The following FBN2 variants were observed in gnomAD, a reference collection of about 807,000 sequenced individuals.
FBN2 encodes the protein fibrillin 2.
FBN2 carries 105 observed loss-of-function variants against 355.6 expected under a neutral mutation model. The observed-to-expected ratio is 0.30, with a 90% CI of 0.25 to 0.35. FBN2 has a LOEUF of 0.35. FBN2 is among the 10% of genes least tolerant of loss of function. The pLI is 1.00. For missense variants in FBN2, 3,280 were observed against 3,758.7 expected (o/e 0.87, Z 3.33); for synonymous variants, 1,350 against 1,301.2 (o/e 1.04, Z -0.81).
At chr5:128,364,769 AT>A in intron 17 of FBN2, 44 bp from the exon 18 acceptor site, 1 of 1,537,046 alleles carries the variant, frequency 6.5e-7, no homozygotes, top group Non-Finnish European at 9.0e-7. Context: ...CAAACATGTT[AT>A]TGTTTGTTGA....
At chr5:128,351,494 C>T (rs552123904) in intron 20 of FBN2, among the ~76,000 whole-genome samples, 28 of 151,874 alleles carry the variant, frequency 1.8e-4, no homozygotes, top group African/African-American at 6.8e-4. Context: ...TTGCAGTGAG[C>T]CAAGATTGTG....
Position 128,289,877 on chromosome 5 carries a change from C to A in FBN2, c.6511+5G>T. On this transcript the variant is annotated splice_donor_5th_base_variant and intron_variant, in intron 51 of 64. Coordinates refer to ENST00000262464, the MANE Select transcript of FBN2 (RefSeq NM_001999.4). ...AATATAGGAATAAAATATATCAAAG[C>A]GTACCTTCACGTGTATCATGAAGAC... 1 of 1,540,454 alleles carries A rather than the reference C, an allele frequency of 6.5e-7. No homozygotes were observed. The highest frequency in any genetic ancestry group is 9.0e-7 in the Non-Finnish European group (1 of 1,113,574).
At chr5:128,386,364 C>T (rs1752365853) in intron 11 of FBN2, among the ~76,000 whole-genome samples, 1 of 152,054 alleles carries the variant, frequency 6.6e-6, no homozygotes, top group Non-Finnish European at 1.5e-5. Context: ...GTTCTCTAAC[C>T]TGTTCCATTG....
rs34383505 is a variant in FBN2, at chr5:128,259,461, G to C, written c.8733C>G (p.Leu2911=). ...EALRMRLQIQ[L]Y is the part of the protein sequence containing the mutation. Reference sequence around the variant, plus strand: ...GGCCCAAGTCTGTGAAGGGTTAATAGAGCTGAATCTGCAGCCTCATTCTGA... The same window carrying C: ...GGCCCAAGTCTGTGAAGGGTTAATACAGCTGAATCTGCAGCCTCATTCTGA... Residue 2911 remains leucine (L), a synonymous_variant, in exon 65 of 65, where the codon CTC becomes CTG. Transcript: ENST00000262464. 6,932 of 1,613,046 alleles carry C rather than the reference G, an allele frequency of 4.3e-3. 238 individuals carry two copies. The African/African-American group carries it at 0.079, about 18-fold the overall frequency.
At chr5:128,507,830 C>T (rs58058427) in intron 5 of FBN2, among the ~76,000 whole-genome samples, 3,577 of 152,034 alleles carry the variant, frequency 0.024, 158 homozygotes, top group African/African-American at 0.083. Flanking sequence ...TTTCTATGCC[C>T]GTATTGACTT....
In FBN2 at chr5:128,366,427, T is replaced by G. The variant is rs147610681; in HGVS notation, c.2252A>C (p.Glu751Ala). Residue 751 changes from glutamate to alanine, a missense_variant, in exon 17 of 65, where the codon GAA (glutamate) becomes GCA (alanine). This residue lies in a region of FBN2 where 2,284 missense variants were observed against 2,749.5 expected (regional missense o/e 0.83). Coordinates refer to ENST00000262464, the MANE Select transcript of FBN2 (RefSeq NM_001999.4). The part of the protein sequence containing the change: ...CQPCPAKNSA[E>A]FHGLCSSGVG... ...TCCACTACTACAAAGGCCGTGGAAT[T>G]CAGCTGTATGACAAAAAGAAATAGA... The G allele has an allele frequency of 1.2e-4, 195 of 1,601,290 alleles. No homozygotes were observed. The highest frequency in any genetic ancestry group is 1.6e-4 in the Non-Finnish European group (188 of 1,169,890).
At chr5:128,274,453 G>T in intron 60 of FBN2, 114 bp downstream of exon 60, 1 of 730,484 alleles carries the variant, frequency 1.4e-6, no homozygotes, top group East Asian at 2.7e-5. Context: ...CAAATTATGG[G>T]GTATTGGTTA....
rs1554068953 is a variant in FBN2, at chr5:128,434,394, G to GTATATATATATATGTA, written c.952+12086_952+12087insTACATATATATATATA. ...CAATGCCTGGCAGTGAATAAAGTGT[G>GTATATATATATATGTA]TATATATATATATATATATATATAT... On this transcript the variant is annotated intron_variant, in intron 7 of 64. Transcript: ENST00000262464. Among the ~76,000 whole-genome samples, 251 of 91,568 alleles carry GTATATATATATATGTA rather than the reference G, an allele frequency of 2.7e-3. 14 individuals carry two copies. The highest frequency in any genetic ancestry group is 4.6e-3 in the South Asian group (12 of 2,604). The allele number at this position is 91,568 out of a possible 152,430, so 60.1% of individuals were successfully genotyped here.
At chr5:128,426,952 C>G (rs920805610) in intron 7 of FBN2, among the ~76,000 whole-genome samples, 1 of 152,186 alleles carries the variant, frequency 6.6e-6, no homozygotes, top group Non-Finnish European at 1.5e-5. Context: ...ACTTCTCTAG[C>G]AAAATGCCTC....
chr5:128,525,912 T>C (rs1435939903), intron 4 of FBN2, among the ~76,000 whole-genome samples: 3 of 152,152 alleles, frequency 2.0e-5, no homozygotes, highest in African/African-American at 7.2e-5. Flanking sequence ...ATCCTAGCTC[T>C]TTCATTCACA....
chr5:128,297,092 T>C (rs1365870985), intron 48 of FBN2, among the ~76,000 whole-genome samples: 4 of 152,198 alleles, frequency 2.6e-5, no homozygotes, highest in Non-Finnish European at 5.9e-5. Flanking sequence ...CATTTCGTTA[T>C]GTACCCAGTA....
At chr5:128,392,669 A>AG (rs1215572804) in intron 10 of FBN2, among the ~76,000 whole-genome samples, 4 of 152,230 alleles carry the variant, frequency 2.6e-5, no homozygotes, top group Non-Finnish European at 5.9e-5. Flanking sequence ...TGTACGTTAC[A>AG]ATATTTGGAT....
Position 128,393,154 on chromosome 5 carries a change from T to A in FBN2, c.1446A>T (p.Gly482=). 1.2e-6 allele frequency: 2 copies of A among 1,613,762 alleles called. No homozygotes were observed. The highest frequency in any genetic ancestry group is 1.7e-6 in the Non-Finnish European group (2 of 1,179,732). Residue 482 remains glycine (G), a synonymous_variant, in exon 10 of 65, where the codon GGA becomes GGT. Transcript: ENST00000262464. ...GGAGVGAGGQ[G]PIITGLTILN... ...ACTTACTTAGTCCAGTGATGATAGG[T>A]CCCTGTCCCCCGGCCCCCACACCGG...
intron 5 of FBN2, among the ~76,000 whole-genome samples, chr5:128,481,502 G>A (rs1342177257): frequency 6.6e-6 from 1 of 152,160 alleles, no homozygotes; most frequent in Non-Finnish European, 1.5e-5. Flanking sequence ...GAACTTATGG[G>A]AGAGGCTCTG....
chr5:128,377,978 C>A, intron 12 of FBN2, 101 bp from the exon 13 acceptor site: 6 of 1,047,374 alleles, frequency 5.7e-6, no homozygotes, highest in Non-Finnish European at 8.3e-6. Context: ...AATCATGTTA[C>A]TTCTTTAGCA....
intron 8 of FBN2, among the ~76,000 whole-genome samples, chr5:128,396,214 A>T (rs1476797612): frequency 1.3e-5 from 2 of 152,186 alleles, no homozygotes; most frequent in African/African-American, 2.4e-5. Context: ...CACAGCTGAG[A>T]TGGGGATGGC....
intron 14 of FBN2, among the ~76,000 whole-genome samples, chr5:128,375,259 G>A (rs998140100): frequency 1.3e-5 from 2 of 152,086 alleles, no homozygotes; most frequent in Admixed American, 6.5e-5. Context: ...CAGAGCTGCC[G>A]ACTCAGGAAT....
intron 32 of FBN2, among the ~76,000 whole-genome samples, chr5:128,331,703 G>C (rs1005747807): frequency 2.0e-5 from 3 of 152,136 alleles, no homozygotes; most frequent in Non-Finnish European, 2.9e-5. Flanking sequence ...GCATGTGAGA[G>C]AGACAGAAAC....
intron 22 of FBN2, 81 bp downstream of exon 22, chr5:128,349,874 T>A: frequency 1.9e-6 from 2 of 1,068,444 alleles, no homozygotes; most frequent in Non-Finnish European, 2.9e-6. Flanking sequence ...ATGATAAATA[T>A]CTCCAAAGTT....
Sources: allele counts gnomAD v4.1 joint callset (sites outside exome capture counted in the v4.1 genomes callset), GRCh38; gene constraint gnomAD v4.1.1; regional missense constraint gnomAD v4.1.1; transcripts MANE v1.5; gene names NCBI Gene and HGNC (gene_info 2026-07-23, HGNC 2026-07-21).